Variants in THSD7B observed in about 807,000 individuals in gnomAD.
THSD7B encodes thrombospondin type-1 domain-containing protein 7B.
A neutral mutation model predicts 213.6 loss-of-function variants in THSD7B; 138 were observed. That is an observed-to-expected ratio of 0.65 (90% confidence interval 0.56 to 0.74). The LOEUF is 0.74. THSD7B is among the 30% of genes least tolerant of loss of function. The pLI is 0.00. For missense variants in THSD7B, 1,931 were observed against 1,991.5 expected (o/e 0.97, Z 0.58); for synonymous variants, 742 against 687.0 (o/e 1.08, Z -1.25).
At chr2:137,064,848 C>G (rs1429776945) in intron 3 of THSD7B, among the ~76,000 whole-genome samples, 2 of 151,884 alleles carry the variant, frequency 1.3e-5, no homozygotes, top group Non-Finnish European at 2.9e-5. Flanking sequence ...GTTCTCTACT[C>G]TGTTCCAGTG....
intron 2 of THSD7B, among the ~76,000 whole-genome samples, chr2:136,888,528 A>G (rs1487882628): frequency 1.3e-5 from 2 of 152,120 alleles, no homozygotes; most frequent in African/African-American, 4.8e-5. Context: ...CTAGAAGTTC[A>G]TGAAATTTTT....
intron 20 of THSD7B, among the ~76,000 whole-genome samples, chr2:137,630,885 T>A (rs1417807870): frequency 6.6e-6 from 1 of 152,212 alleles, no homozygotes; most frequent in Non-Finnish European, 1.5e-5. Context: ...TCTCAGCTGA[T>A]GTCTTTATCA....
intron 2 of THSD7B, among the ~76,000 whole-genome samples, chr2:136,890,945 C>T (rs543066324): frequency 3.3e-4 from 50 of 151,894 alleles, no homozygotes; most frequent in Non-Finnish European, 6.0e-4. Context: ...TCTTACTGAT[C>T]TTCAATTTTT....
chr2:137,190,193 G>T (rs1223675955), intron 7 of THSD7B, among the ~76,000 whole-genome samples: 1 of 152,160 alleles, frequency 6.6e-6, no homozygotes, highest in Non-Finnish European at 1.5e-5. Context: ...TTTCTCATAG[G>T]CAATAGCATG....
intron 16 of THSD7B, among the ~76,000 whole-genome samples, chr2:137,566,782 G>GA (rs376672098): frequency 4.0e-5 from 6 of 151,286 alleles, no homozygotes; most frequent in South Asian, 2.1e-4. Context: ...TAGCAGTAGA[G>GA]AAAAAAATGA....
chr2:137,572,381 A>G (rs1681372591), intron 16 of THSD7B, 25 bp from the exon 17 acceptor site: 1 of 1,612,846 alleles, frequency 6.2e-7, no homozygotes, highest in Non-Finnish European at 8.5e-7. Context: ...AAATAATCAA[A>G]CTATCTTGTG....
At chr2:137,058,820 C>A (rs1300469284) in intron 3 of THSD7B, among the ~76,000 whole-genome samples, 1 of 147,612 alleles carries the variant, frequency 6.8e-6, no homozygotes, top group Non-Finnish European at 1.5e-5. Flanking sequence ...TTTGAGGATA[C>A]AATGTGAAGT....
chr2:136,961,345 C>T (rs532717498), intron 2 of THSD7B, among the ~76,000 whole-genome samples: 5 of 151,148 alleles, frequency 3.3e-5, no homozygotes, highest in South Asian at 4.2e-4. Flanking sequence ...CTCAGCCTCC[C>T]GAGTAGCTGG....
intron 3 of THSD7B, among the ~76,000 whole-genome samples, chr2:137,092,941 C>G (rs1046896344): frequency 2.6e-5 from 4 of 152,194 alleles, no homozygotes; most frequent in Admixed American, 6.6e-5. Context: ...CCTGCTCCCC[C>G]TCCCCTTTTT....
intron 3 of THSD7B, among the ~76,000 whole-genome samples, chr2:137,089,292 A>G (rs1687903589): frequency 8.2e-6 from 1 of 121,244 alleles, no homozygotes; most frequent in African/African-American, 4.9e-5. Flanking sequence ...ATATATACAT[A>G]TATATGTGTG....
intron 3 of THSD7B, among the ~76,000 whole-genome samples, chr2:137,080,990 A>G (rs1393158520): frequency 6.6e-6 from 1 of 152,136 alleles, no homozygotes; most frequent in Non-Finnish European, 1.5e-5. Context: ...TTAGCCAGAT[A>G]TATTATTCTA....
intron 2 of THSD7B, among the ~76,000 whole-genome samples, chr2:136,884,375 C>T (rs1366513432): frequency 6.6e-6 from 1 of 152,086 alleles, no homozygotes. Flanking sequence ...AGGTGCTTGA[C>T]AAATGCTGTG....
intron 15 of THSD7B, among the ~76,000 whole-genome samples, chr2:137,505,300 A>G (rs941137353): frequency 1.4e-4 from 21 of 152,216 alleles, no homozygotes; most frequent in African/African-American, 4.6e-4. Flanking sequence ...TTTTTGTTCA[A>G]ATGCACATTC....
chr2:136,894,321 A>C (rs1430679236), intron 2 of THSD7B, among the ~76,000 whole-genome samples: 1 of 152,206 alleles, frequency 6.6e-6, no homozygotes, highest in East Asian at 1.9e-4. Context: ...ACAACTTTAT[A>C]ACATTTTCAA....
chr2:137,274,680 A>G (rs1347089823), intron 11 of THSD7B, among the ~76,000 whole-genome samples: 1 of 152,064 alleles, frequency 6.6e-6, no homozygotes, highest in African/African-American at 2.4e-5. Flanking sequence ...TTTGGTCAAG[A>G]AGGTCTGTAT....
At chr2:137,457,290 T>C (rs1687782038) in intron 15 of THSD7B, among the ~76,000 whole-genome samples, 1 of 152,230 alleles carries the variant, frequency 6.6e-6, no homozygotes, top group African/African-American at 2.4e-5. Context: ...TACTGGTTAT[T>C]GCTACTCTGC....
chr2:137,436,399 G>A (rs935629744), intron 14 of THSD7B, among the ~76,000 whole-genome samples: 8 of 152,150 alleles, frequency 5.3e-5, no homozygotes, highest in Admixed American at 1.3e-4. Context: ...ATTTGCACGA[G>A]AATGCACAGC....
intron 3 of THSD7B, among the ~76,000 whole-genome samples, chr2:137,090,414 A>G (rs575483624): frequency 5.3e-5 from 8 of 152,286 alleles, no homozygotes; most frequent in African/African-American, 1.9e-4. Flanking sequence ...GCGATGTATG[A>G]TATAAAAGTA....
chr2:137,164,869 G>A (rs1458354075), intron 6 of THSD7B, among the ~76,000 whole-genome samples: 1 of 152,112 alleles, frequency 6.6e-6, no homozygotes. Context: ...ATCACACACC[G>A]GGGCCTGTCG....
Sources: allele counts gnomAD v4.1 joint callset (sites outside exome capture counted in the v4.1 genomes callset), GRCh38; gene constraint gnomAD v4.1.1; transcripts MANE v1.5; gene names NCBI Gene and HGNC (gene_info 2026-07-23, HGNC 2026-07-21).